The following ABTB2 variants were observed in gnomAD, a reference collection of about 807,000 sequenced individuals.
ABTB2 encodes ankyrin repeat and BTB/POZ domain-containing protein 2.
A neutral mutation model predicts 104.1 loss-of-function variants in ABTB2; 56 were observed. That is an observed-to-expected ratio of 0.54 (90% CI 0.43 to 0.67). The LOEUF is 0.67. Ranked by LOEUF, ABTB2 falls within the 30% of genes least tolerant of loss-of-function variation. The pLI, the probability that ABTB2 is intolerant of heterozygous loss-of-function variation, is 0.00. For missense variants in ABTB2, 1,279 were observed against 1,407.7 expected (o/e 0.91, Z 1.46); for synonymous variants, 606 against 608.2 (o/e 1.00, Z 0.05).
At chr11:34,254,468 G>A (rs929163032) in intron 1 of ABTB2, among the ~76,000 whole-genome samples, 5 of 151,530 alleles carry the variant, frequency 3.3e-5, no homozygotes, top group African/African-American at 7.3e-5. Flanking sequence ...TTCCCAGACC[G>A]GTCTCAAATC....
Position 34,152,330 on chromosome 11 carries a change from C to A in ABTB2, c.*57G>T. 1 of 1,513,692 alleles carries A rather than the reference C, an allele frequency of 6.6e-7. No homozygotes were observed. The highest frequency in any genetic ancestry group is 8.9e-7 in the Non-Finnish European group (1 of 1,126,420). The allele number at this position is 1,513,692 out of a possible 1,614,324, so 93.8% of individuals were successfully genotyped here. Reference sequence around the variant, plus strand: ...AAGAGGGCCTACAACCATACCCCGACATGGTGGGCCCTGGCACCTCCACAG... The same window carrying A: ...AAGAGGGCCTACAACCATACCCCGAAATGGTGGGCCCTGGCACCTCCACAG... On this transcript the variant is annotated 3_prime_UTR_variant, in exon 17 of 17. Coordinates refer to ENST00000435224, the MANE Select transcript of ABTB2 (RefSeq NM_145804.3).
chr11:34,283,068 C>G (rs1339084866), intron 1 of ABTB2, among the ~76,000 whole-genome samples: 2 of 143,992 alleles, frequency 1.4e-5, no homozygotes, highest in East Asian at 3.9e-4. Context: ...GCCACCATGC[C>G]CAGCTAATTT....
chr11:34,188,336 C>A (rs1344859768), intron 3 of ABTB2, among the ~76,000 whole-genome samples: 2 of 152,110 alleles, frequency 1.3e-5, no homozygotes, highest in African/African-American at 4.8e-5. Flanking sequence ...CAGGGCAGAC[C>A]GAGGGCACTT....
At chr11:34,160,090 C>G (rs1214716914) in intron 12 of ABTB2, 82 bp from the exon 13 acceptor site, 4 of 1,336,644 alleles carry the variant, frequency 3.0e-6, no homozygotes, top group Non-Finnish European at 4.3e-6. Flanking sequence ...AGGTGCGTGT[C>G]TGGGGTTGGG....
intron 1 of ABTB2, among the ~76,000 whole-genome samples, chr11:34,225,483 C>T (rs960367999): frequency 2.6e-5 from 4 of 152,298 alleles, no homozygotes; most frequent in East Asian, 1.9e-4. Flanking sequence ...TAGCCAGGCG[C>T]GGTGGCTCAT....
At chr11:34,277,489 A>AG (rs1854394688) in intron 1 of ABTB2, among the ~76,000 whole-genome samples, 1 of 150,980 alleles carries the variant, frequency 6.6e-6, no homozygotes, top group African/African-American at 2.5e-5. Flanking sequence ...TAAAAAAAAA[A>AG]ACAAACAGAT....
chr11:34,162,907 G>C, intron 9 of ABTB2, 102 bp from the exon 10 acceptor site: 1 of 1,141,930 alleles, frequency 8.8e-7, no homozygotes, highest in Non-Finnish European at 1.2e-6. Context: ...GCTGCTCTGG[G>C]GTACCCGAGG....
chr11:34,200,941 A>G (rs1853329150), intron 2 of ABTB2, among the ~76,000 whole-genome samples: 1 of 152,254 alleles, frequency 6.6e-6, no homozygotes, highest in Admixed American at 6.5e-5. Flanking sequence ...TTAAAAACTT[A>G]CATAGCAATT....
chr11:34,251,286 C>T (rs890716842), intron 1 of ABTB2, among the ~76,000 whole-genome samples: 13 of 152,226 alleles, frequency 8.5e-5, no homozygotes, highest in African/African-American at 2.9e-4. Context: ...GTGAATCATG[C>T]CTTAGTGACA....
At position 34,164,830 on chromosome 11, in the gene ABTB2, GA is replaced by G; in HGVS notation, c.1853-10del. The G allele has an allele frequency of 1.9e-6, 3 of 1,587,990 alleles. No individual in the cohort carries two copies. The highest frequency in any genetic ancestry group is 3.8e-5 in the Admixed American group (2 of 53,160). On this transcript the variant is annotated splice_polypyrimidine_tract_variant and intron_variant, in intron 8 of 16. Coordinates refer to ENST00000435224, the MANE Select transcript of ABTB2 (RefSeq NM_145804.3). ...GACCAGCTCATAGTTCCCTGAAAGA[GA>G]AGGTGGGCAGCACGGAGGACACTGA...
intron 1 of ABTB2, among the ~76,000 whole-genome samples, chr11:34,231,424 TCA>T (rs1853767843): frequency 6.6e-6 from 1 of 152,148 alleles, no homozygotes; most frequent in African/African-American, 2.4e-5. Flanking sequence ...CACAGTGACT[TCA>T]CTCTAAAGAC....
chr11:34,240,579 C>T (rs115576309), intron 1 of ABTB2, among the ~76,000 whole-genome samples: 1,724 of 152,302 alleles, frequency 0.011, 47 homozygotes, highest in African/African-American at 0.038. Flanking sequence ...GCACTTGGGC[C>T]GAAATCTTCA....
intron 1 of ABTB2, among the ~76,000 whole-genome samples, chr11:34,208,734 G>C (rs1011169501): frequency 6.6e-6 from 1 of 151,858 alleles, no homozygotes; most frequent in Admixed American, 6.6e-5. Flanking sequence ...GTGGCCACCC[G>C]GTTGCCCAAG....
intron 1 of ABTB2, among the ~76,000 whole-genome samples, chr11:34,271,577 A>G (rs1854314112): frequency 6.6e-6 from 1 of 152,184 alleles, no homozygotes; most frequent in Non-Finnish European, 1.5e-5. Context: ...CACCTCTACA[A>G]AAAATAATTA....
chr11:34,269,092 G>T (rs1854283522), intron 1 of ABTB2, among the ~76,000 whole-genome samples: 1 of 152,206 alleles, frequency 6.6e-6, no homozygotes, highest in Non-Finnish European at 1.5e-5. Context: ...GCCAAGGAGA[G>T]GAAGCACCAC....
chr11:34,350,173 T>C (rs1855380529), intron 1 of ABTB2, among the ~76,000 whole-genome samples: 1 of 152,130 alleles, frequency 6.6e-6, no homozygotes, highest in African/African-American at 2.4e-5. Context: ...CGCTGACTCA[T>C]TCTCTCCCTG....
At chr11:34,156,888 A>ATATT (rs1390202224) in intron 14 of ABTB2, among the ~76,000 whole-genome samples, 1 of 152,240 alleles carries the variant, frequency 6.6e-6, no homozygotes, top group Non-Finnish European at 1.5e-5. Context: ...AAGTTCAAAA[A>ATATT]TATTAAAATC....
chr11:34,248,939 T>C (rs1182927392), intron 1 of ABTB2, among the ~76,000 whole-genome samples: 1 of 152,180 alleles, frequency 6.6e-6, no homozygotes, highest in African/African-American at 2.4e-5. Context: ...AAGACCAGCC[T>C]GACCAAAATG....
chr11:34,240,412 A>G (rs561832733), intron 1 of ABTB2, among the ~76,000 whole-genome samples: 14 of 152,354 alleles, frequency 9.2e-5, no homozygotes, highest in African/African-American at 3.1e-4. Flanking sequence ...GGGGCCCCCA[A>G]GAAACGGCTT....
Sources: gnomAD v4.1 joint callset for allele counts (sites outside exome capture counted in the v4.1 genomes callset) on GRCh38, gnomAD v4.1.1 for gene constraint, MANE v1.5 for transcripts, NCBI Gene and HGNC (gene_info 2026-07-23, HGNC 2026-07-21) for gene names.